The following RANBP2 variants were observed in gnomAD, a reference collection of about 807,000 sequenced individuals.
The protein encoded by RANBP2 is E3 SUMO-protein ligase RanBP2.
RANBP2 carries 57 observed loss-of-function variants against 303.6 expected under a neutral mutation model. The observed-to-expected ratio is 0.19, with a 90% CI of 0.15 to 0.23. The LOEUF is 0.23. Among genes scored for constraint, RANBP2 ranks in the 10% least tolerant of loss-of-function variants. The pLI is 1.00. For synonymous variants in RANBP2, 1,167 were observed against 1,301.5 expected, an observed-to-expected ratio of 0.90 and a Z score of 2.23; for missense variants, 3,138 against 3,780.8, an observed-to-expected ratio of 0.83 and a Z score of 4.46.
At chr2:109,327,875 G>A in the RANBP2 span, among the ~76,000 whole-genome samples, 1 of 152,148 alleles carries the variant, frequency 6.6e-6, no homozygotes, top group Non-Finnish European at 1.5e-5. Context: ...TTTTGTGTCA[G>A]TTTAGCAATT....
the RANBP2 span, among the ~76,000 whole-genome samples, chr2:109,050,845 A>C: frequency 1.3e-5 from 2 of 152,164 alleles, no homozygotes; most frequent in Non-Finnish European, 2.9e-5. Flanking sequence ...TCCACACTAC[A>C]AAAGGGGACC....
chr2:109,120,648 A>G, the RANBP2 span, among the ~76,000 whole-genome samples: 1 of 145,364 alleles, frequency 6.9e-6, no homozygotes, highest in Non-Finnish European at 1.5e-5. Context: ...GCCTGGGCAA[A>G]AAGAGCGAAA....
Position 108,782,515 on chromosome 2 carries a change from C to G in RANBP2, c.9035-13C>G. ...ATACTAAGGTCACTGCTTCCCCTTT[C>G]CCTCCCTGCCAGATGGAGAAGCAAA... On this transcript the variant is annotated splice_polypyrimidine_tract_variant and intron_variant, in intron 27 of 28. Transcript: ENST00000283195. 6.2e-7 allele frequency: 1 copy of G among 1,613,882 alleles called. No individual in the cohort carries two copies. Among genetic ancestry groups the G allele is most frequent in the South Asian group, 1.1e-5 (1 of 91,022 alleles).
At chr2:109,021,164 T>C in the RANBP2 span, among the ~76,000 whole-genome samples, 1 of 152,206 alleles carries the variant, frequency 6.6e-6, no homozygotes, top group African/African-American at 2.4e-5. Flanking sequence ...GCCTGGGCTG[T>C]GGCACATTGG....
chr2:108,996,445 A>G, the RANBP2 span, among the ~76,000 whole-genome samples: 11 of 152,316 alleles, frequency 7.2e-5, no homozygotes, highest in East Asian at 2.1e-3. Flanking sequence ...CTCAAAGTAA[A>G]TAAGAAAGGC....
At chr2:109,113,986 C>T in the RANBP2 span, among the ~76,000 whole-genome samples, 1 of 152,186 alleles carries the variant, frequency 6.6e-6, no homozygotes, top group Non-Finnish European at 1.5e-5. Flanking sequence ...AGATGAAGCT[C>T]ACTTGATCAT....
chr2:108,915,821 C>T, the RANBP2 span, among the ~76,000 whole-genome samples: 18 of 151,860 alleles, frequency 1.2e-4, 1 homozygote, highest in Admixed American at 1.1e-3. Context: ...CGCTGGAACC[C>T]GGGAGGCGGA....
chr2:109,500,658 A>G, the RANBP2 span, among the ~76,000 whole-genome samples: 83 of 152,322 alleles, frequency 5.4e-4, no homozygotes, highest in African/African-American at 1.9e-3. Flanking sequence ...ACATTTAAAA[A>G]TAAGGACAGG....
chr2:109,685,284 G>A, the RANBP2 span, among the ~76,000 whole-genome samples: 5 of 152,276 alleles, frequency 3.3e-5, no homozygotes, highest in Admixed American at 2.0e-4. Context: ...CAATGAATAC[G>A]CTCATGAGTA....
At chr2:109,457,260 G>A in the RANBP2 span, among the ~76,000 whole-genome samples, 1 of 152,190 alleles carries the variant, frequency 6.6e-6, no homozygotes, top group African/African-American at 2.4e-5. Flanking sequence ...AGAATTAAAT[G>A]ATCCATACAG....
the RANBP2 span, among the ~76,000 whole-genome samples, chr2:109,521,683 T>C: frequency 5.9e-5 from 9 of 152,244 alleles, no homozygotes; most frequent in Non-Finnish European, 1.3e-4. Context: ...AATTGCTGGC[T>C]GGACGTGTCA....
the RANBP2 span, among the ~76,000 whole-genome samples, chr2:109,501,017 C>T: frequency 6.6e-6 from 1 of 152,210 alleles, no homozygotes; most frequent in Non-Finnish European, 1.5e-5. Flanking sequence ...TGGGCCCCAA[C>T]CTGTGAGGTG....
the RANBP2 span, among the ~76,000 whole-genome samples, chr2:109,033,945 A>G: frequency 2.2e-5 from 3 of 138,742 alleles, no homozygotes; most frequent in Admixed American, 2.2e-4. Context: ...ACAGAGGGAG[A>G]CCCTGACTCC....
At chr2:109,623,819 G>T in the RANBP2 span, among the ~76,000 whole-genome samples, 1 of 152,144 alleles carries the variant, frequency 6.6e-6, no homozygotes, top group Non-Finnish European at 1.5e-5. Flanking sequence ...TCTCCTAAAA[G>T]AACTCCAAAA....
the RANBP2 span, among the ~76,000 whole-genome samples, chr2:108,874,916 C>G: frequency 1.1e-5 from 1 of 94,250 alleles, no homozygotes; most frequent in Non-Finnish European, 2.5e-5. Flanking sequence ...CTTCTTAATT[C>G]ATGGGATTTT....
the RANBP2 span, among the ~76,000 whole-genome samples, chr2:108,931,367 G>A: frequency 2.6e-5 from 4 of 152,278 alleles, no homozygotes; most frequent in South Asian, 8.3e-4. Context: ...TTTAAGTCTG[G>A]AGTCCTCCAG....
the RANBP2 span, among the ~76,000 whole-genome samples, chr2:109,330,428 A>T: frequency 1.3e-5 from 2 of 151,970 alleles, no homozygotes; most frequent in African/African-American, 2.4e-5. Context: ...TTCCTTAGTC[A>T]TGTATATTCG....
chr2:108,805,589 T>C, the RANBP2 span, among the ~76,000 whole-genome samples: 1 of 151,316 alleles, frequency 6.6e-6, no homozygotes, highest in Non-Finnish European at 1.5e-5. Flanking sequence ...TAGCTGGGCG[T>C]GATGGCGGGC....
the RANBP2 span, among the ~76,000 whole-genome samples, chr2:109,099,591 C>T: frequency 1.3e-5 from 2 of 151,894 alleles, no homozygotes; most frequent in African/African-American, 2.4e-5. Flanking sequence ...CCTTGACAAG[C>T]GGGGGTCCAT....
Sources: gnomAD v4.1 joint callset for allele counts (sites outside exome capture counted in the v4.1 genomes callset) on GRCh38, gnomAD v4.1.1 for gene constraint, MANE v1.5 for transcripts, NCBI Gene and HGNC (gene_info 2026-07-23, HGNC 2026-07-21) for gene names.